Variants in COLEC12 observed in about 807,000 individuals in gnomAD.
The protein encoded by COLEC12 is collectin-12.
Under a neutral mutation model 71.1 loss-of-function variants are expected in COLEC12, and 33 were observed. The observed-to-expected ratio is 0.46, with a 90% CI of 0.35 to 0.62. The LOEUF (loss-of-function observed/expected upper bound fraction) is 0.62. COLEC12 is among the 20% of genes least tolerant of loss of function. The pLI is 0.00. For synonymous variants in COLEC12, 350 were observed against 353.0 expected (o/e 0.99, Z 0.10); for missense variants, 765 against 916.1 (o/e 0.84, Z 2.13).
chr18:500,047 G>A lies in COLEC12; in HGVS notation c.7+461C>T, dbSNP rs146202836. Among the ~76,000 whole-genome samples the A allele has an allele frequency of 2.8e-4, 42 of 152,328 alleles. 1 individual carries two copies. The East Asian group carries it at 8.0e-3, about 29-fold the overall frequency. On this transcript the variant is annotated intron_variant, in intron 1 of 9. Coordinates refer to ENST00000400256, the MANE Select transcript of COLEC12 (RefSeq NM_130386.3). The surrounding 1 kb of genome is among the most constrained non-coding windows in gnomAD (Gnocchi z 5.3). Reference sequence around the variant, plus strand: ...CGCACGGAGAACATCCCCAGTCCCGGAGAAAACACCCGGCCGCCAGCGCGG... The same window carrying A: ...CGCACGGAGAACATCCCCAGTCCCGAAGAAAACACCCGGCCGCCAGCGCGG...
intron 2 of COLEC12, among the ~76,000 whole-genome samples, chr18:415,655 G>GT (rs1418460357): frequency 6.6e-6 from 1 of 152,178 alleles, no homozygotes; most frequent in Admixed American, 6.5e-5. Flanking sequence ...ACATTGGGCT[G>GT]TATGTACGAA....
Position 402,065 on chromosome 18 carries a change from G to A in COLEC12, c.59-44543C>T, listed in dbSNP as rs115612952. Reference sequence around the variant, plus strand: ...TTAGCATTGTTATCGGTTGAGGGTAGTTGTCTAGGTTCTTGGTGTTTTGAA... The same window carrying A: ...TTAGCATTGTTATCGGTTGAGGGTAATTGTCTAGGTTCTTGGTGTTTTGAA... On this transcript the variant is annotated intron_variant, in intron 2 of 9. Transcript: ENST00000400256. 7.5e-3 allele frequency among the ~76,000 whole-genome samples: 1,142 copies of A among 152,294 alleles called. 13 individuals are homozygous for A. The highest frequency in any genetic ancestry group is 0.026 in the African/African-American group (1,079 of 41,568).
intron 2 of COLEC12, among the ~76,000 whole-genome samples, chr18:393,960 G>A (rs1401481674): frequency 1.3e-5 from 2 of 152,186 alleles, no homozygotes; most frequent in South Asian, 4.1e-4. Flanking sequence ...ACATTACACT[G>A]TTTACATAGG....
intron 2 of COLEC12, among the ~76,000 whole-genome samples, chr18:424,890 G>T (rs988352862): frequency 6.6e-6 from 1 of 152,216 alleles, no homozygotes; most frequent in African/African-American, 2.4e-5. Context: ...AGGTAGAGGA[G>T]TGAATGCCAT....
chr18:449,576 A>G (rs7228508), intron 2 of COLEC12, among the ~76,000 whole-genome samples: 144,089 of 152,294 alleles, frequency 0.95, 68,191 homozygotes, highest in East Asian at 1. Context: ...CTCACTAGGC[A>G]GCCACGGAGG....
chr18:406,573 T>C (rs978552232), intron 2 of COLEC12, among the ~76,000 whole-genome samples: 9 of 151,320 alleles, frequency 5.9e-5, no homozygotes, highest in Admixed American at 3.9e-4. Context: ...CTGCCTTGTG[T>C]ATAAAGTAGC....
intron 2 of COLEC12, among the ~76,000 whole-genome samples, chr18:371,586 T>G (rs1915000606): frequency 6.6e-6 from 1 of 152,078 alleles, no homozygotes; most frequent in Non-Finnish European, 1.5e-5. Context: ...GAGTAGGGGA[T>G]AGAAACAATT....
chr18:360,214 G>C (rs906326051), intron 2 of COLEC12, among the ~76,000 whole-genome samples: 4 of 140,380 alleles, frequency 2.8e-5, no homozygotes, highest in Non-Finnish European at 6.1e-5. Context: ...ATGGAGTTTT[G>C]CTCTGTTGCC....
At chr18:457,126 A>G (rs1024760410) in intron 2 of COLEC12, among the ~76,000 whole-genome samples, 5 of 152,214 alleles carry the variant, frequency 3.3e-5, no homozygotes, top group African/African-American at 4.8e-5. Flanking sequence ...ATTAGATTAC[A>G]TGTAACAGCA....
chr18:367,483 C>T (rs1299705164), intron 2 of COLEC12, among the ~76,000 whole-genome samples: 1 of 152,152 alleles, frequency 6.6e-6, no homozygotes, highest in Non-Finnish European at 1.5e-5. Context: ...GTGTTTTTTA[C>T]TTTCTTCAAG....
chr18:479,526 A>ACT (rs541393393), intron 2 of COLEC12, among the ~76,000 whole-genome samples: 7,448 of 144,074 alleles, frequency 0.052, 442 homozygotes, highest in East Asian at 0.23. Context: ...TCATTTTCAT[A>ACT]CTCTCTCTCT....
chr18:391,571 G>A (rs1915465028), intron 2 of COLEC12, among the ~76,000 whole-genome samples: 1 of 152,124 alleles, frequency 6.6e-6, no homozygotes, highest in Non-Finnish European at 1.5e-5. Context: ...TACTCTTGTT[G>A]ATTGGGAGGA....
intron 1 of COLEC12, among the ~76,000 whole-genome samples, chr18:491,989 G>GT (rs779034921): frequency 6.6e-6 from 1 of 152,144 alleles, no homozygotes; most frequent in Non-Finnish European, 1.5e-5. Context: ...TCAATGCAGC[G>GT]TAACAAAGTA....
intron 2 of COLEC12, among the ~76,000 whole-genome samples, chr18:360,238 A>G (rs942862861): frequency 2.7e-5 from 4 of 149,198 alleles, no homozygotes; most frequent in African/African-American, 9.9e-5. Context: ...GCTGGAGTGC[A>G]GTGGCACGAT....
chr18:423,267 T>C (rs1916134076), intron 2 of COLEC12, among the ~76,000 whole-genome samples: 1 of 152,042 alleles, frequency 6.6e-6, no homozygotes, highest in Non-Finnish European at 1.5e-5. Context: ...AGATCCTATC[T>C]CAAAACAAAA....
At chr18:429,792 C>T (rs749041418) in intron 2 of COLEC12, among the ~76,000 whole-genome samples, 1 of 152,150 alleles carries the variant, frequency 6.6e-6, no homozygotes, top group African/African-American at 2.4e-5. Context: ...TCCAGGCCCA[C>T]GTGAGCATAA....
chr18:402,833 G>C (rs1488325092), intron 2 of COLEC12, among the ~76,000 whole-genome samples: 1 of 151,924 alleles, frequency 6.6e-6, no homozygotes, highest in African/African-American at 2.4e-5. Flanking sequence ...TTTGGGGAAG[G>C]GTCTGAAGCG....
rs1320911069 is a variant in COLEC12 at position 346,861 on chromosome 18, T to C, written c.761A>G (p.Asp254Gly). Reference protein sequence around the residue: ...LQQVFLQAKKDTDWLKEKVQS... With the variant: ...LQQVFLQAKKGTDWLKEKVQS... ...CACTTTCTCCTTCAGCCAATCCGTG[T>C]CCTTCTTGGCTTGAAGAAAAACCTG... The change falls in exon 5 of 10, where the codon GAC becomes GGC. Residue 254 changes from aspartate (D) to glycine (G), a missense_variant. By Grantham distance (94) the Asp-to-Gly change is moderately conservative. Transcript: ENST00000400256. This position sits in a 1 kb window ranked among gnomAD's most constrained non-coding sequence, Gnocchi z 4.0. The C allele has an allele frequency of 8.7e-6, 14 of 1,614,072 alleles. No individual in the cohort carries two copies. The highest frequency in any genetic ancestry group is 1.6e-4 in the Middle Eastern group (1 of 6,084).
At position 335,059 on chromosome 18, in the gene COLEC12, C is replaced by G. The variant is rs1323619834; in HGVS notation, c.1499G>C (p.Gly500Ala). ...AGPPGERGGK[G>A]SKGSQGPKGS... Reference sequence around the variant, plus strand: ...TTTGGGGCCCTGGGAGCCTTTAGATCCTTTGCCGCCACGCTCTCCGGGGGG... The same window carrying G: ...TTTGGGGCCCTGGGAGCCTTTAGATGCTTTGCCGCCACGCTCTCCGGGGGG... Residue 500 changes from glycine to alanine, a missense_variant, in exon 6 of 10, where the codon GGA becomes GCA. Transcript: ENST00000400256. The G allele has an allele frequency of 1.2e-6, 2 of 1,608,362 alleles. No individual in the cohort carries two copies. The highest frequency in any genetic ancestry group is 1.7e-6 in the Non-Finnish European group (2 of 1,178,242).
Sources: gnomAD v4.1 joint callset for allele counts (sites outside exome capture counted in the v4.1 genomes callset) on GRCh38, gnomAD v4.1.1 for gene constraint, Gnocchi (gnomAD v3.1) non-coding constraint, MANE v1.5 for transcripts, NCBI Gene and HGNC (gene_info 2026-07-23, HGNC 2026-07-21) for gene names.